HCN2: variants seen among roughly 807,000 people sequenced by gnomAD.
HCN2 encodes the protein hyperpolarization activated cyclic nucleotide gated potassium and sodium channel 2, also known as potassium/sodium hyperpolarization-activated cyclic nucleotide-gated channel 2.
Under a neutral mutation model 52.3 loss-of-function variants are expected in HCN2, and 20 were observed. The observed-to-expected ratio is 0.38, with a 90% CI of 0.27 to 0.56. The LOEUF is 0.56. Among genes scored for constraint, HCN2 ranks in the 20% least tolerant of loss-of-function variants. The pLI, the probability that HCN2 is intolerant of heterozygous loss-of-function variation, is 0.71. For synonymous variants in HCN2, 694 were observed against 537.0 expected, an observed-to-expected ratio of 1.29 and a Z score of -4.04; for missense variants, 981 against 1,207.7, an observed-to-expected ratio of 0.81 and a Z score of 2.78.
rs1317838033 is a variant in HCN2 at position 594,023 on chromosome 19, G to C, written c.632+3446G>C. The stretch of plus-strand genomic sequence containing the variant: ...AGGCCACACAGGTCCACTTGGGAAA[G>C]CCTGAGTCGTGCAAAGGAGGGTGTC... On this transcript the variant is annotated intron_variant, in intron 1 of 7. Coordinates refer to ENST00000251287, the MANE Select transcript of HCN2 (RefSeq NM_001194.4). Among the ~76,000 whole-genome samples the C allele has an allele frequency of 3.9e-5, 6 of 152,166 alleles. No homozygotes were observed. In the East Asian group the frequency reaches 1.2e-3, roughly 29 times the overall value.
In HCN2 at chr19:590,007, GGCCGCCGCCGCC is replaced by G. The variant is rs961585316; in HGVS notation, c.72_83del (p.Pro25_Pro28del). On this transcript the variant is annotated inframe_deletion, in exon 1 of 8. Transcript: ENST00000251287. This position sits in a 1 kb window ranked among gnomAD's most constrained non-coding sequence, Gnocchi z 7.2. ...AGCCCGGGCGCGACCCCCGCGCCGG[GGCCGCCGCCGCC>G]GCCGCCGCCCGCGCCCCCCCAACAG... 1.6e-6 allele frequency: 1 copy of G among 640,662 alleles called. No homozygotes were observed. Among genetic ancestry groups the G allele is most frequent in the Non-Finnish European group, 1.9e-6 (1 of 528,140 alleles). 39.7% of individuals were successfully genotyped at this position (640,662 alleles called of 1,614,324 possible). A position where few individuals can be genotyped will look rare whatever the true frequency, so the allele number is the denominator to read the frequency against.
intron 3 of HCN2, 22 bp from the exon 4 acceptor site, chr19:607,942 G>A (rs373584142): frequency 1.1e-4 from 175 of 1,590,066 alleles, no homozygotes; most frequent in Non-Finnish European, 1.4e-4. Context: ...GCCCACCACC[G>A]CCCCTCCTGC....
Position 616,288 on chromosome 19 carries a change from T to G in HCN2, c.2484T>G (p.Pro828=). 1 of 1,074,354 alleles carries G rather than the reference T, an allele frequency of 9.3e-7. No individual in the cohort carries two copies. Among genetic ancestry groups the G allele is most frequent in the Non-Finnish European group, 1.1e-6 (1 of 887,692 alleles). 66.6% of individuals were successfully genotyped at this position (1,074,354 alleles called of 1,614,324 possible). The change falls in exon 8 of 8, where the codon CCT becomes CCG. Residue 828 remains proline (P), a synonymous_variant. Transcript: ENST00000251287. The part of the protein sequence containing the change: ...RPLSASQPSL[P]HGAPGPAAST... ...TGTCCGCCTCGCAGCCCTCGCTGCC[T>G]CACGGCGCCCCCGGCCCCGCGGCCT...
At chr19:593,763 GTTCAAGGACC>G (rs1982942367) in intron 1 of HCN2, among the ~76,000 whole-genome samples, 1 of 152,188 alleles carries the variant, frequency 6.6e-6, no homozygotes, top group African/African-American at 2.4e-5. Context: ...GGAAGAGCAA[GTTCAAGGACC>G]CAAGTTCAAG....
chr19:603,544 G>T lies in HCN2; in HGVS notation c.633G>T (p.Arg211Ser). 1 of 1,601,358 alleles carries T rather than the reference G, an allele frequency of 6.2e-7. No individual in the cohort carries two copies. The highest frequency in any genetic ancestry group is 8.5e-7 in the Non-Finnish European group (1 of 1,171,586). ...AWIIHPYSDF[R>S]FYWDFTMLLF... is the part of the protein sequence containing the mutation. ...GAGGTGTGGGCACCCTCGCCCCCAG[G>T]TTCTACTGGGACTTCACCATGCTGC... The change falls in exon 2 of 8, where the codon AGG (arginine) becomes AGT (serine). Residue 211 changes from arginine (R) to serine (S), a missense_variant and splice_region_variant. This residue lies in a region of HCN2 where 282 missense variants were observed against 553.8 expected (regional missense o/e 0.51). Coordinates refer to ENST00000251287, the MANE Select transcript of HCN2 (RefSeq NM_001194.4).
chr19:604,909 A>G (rs1479634800), intron 2 of HCN2, 152 bp from the exon 3 acceptor site: 9 of 657,940 alleles, frequency 1.4e-5, no homozygotes, highest in Non-Finnish European at 2.0e-5. Context: ...GTCCCGGGGC[A>G]GGGCTGCAGG....
chr19:610,963 GGGGCTCCAGGCGCCCTTGGCTTGCAGATT>G (rs1196681124), intron 5 of HCN2, among the ~76,000 whole-genome samples: 1 of 152,148 alleles, frequency 6.6e-6, no homozygotes, highest in East Asian at 1.9e-4. Flanking sequence ...TCCGGCGTCT[GGGGCTCCAGGCGCCCTTGGCTTGCAGATT>G]GATCTCCCTG....
chr19:613,886 G>T lies in HCN2; in HGVS notation c.1860G>T (p.Ala620=), dbSNP rs555844825. ...ICLLTRGRRT[A]SVRADTYCRL... Reference sequence around the variant, plus strand: ...TGCTCACCCGGGGCCGCCGCACGGCGAGCGTGCGGGCTGACACCTACTGCC... The same window carrying T: ...TGCTCACCCGGGGCCGCCGCACGGCTAGCGTGCGGGCTGACACCTACTGCC... Residue 620 remains alanine, a synonymous_variant, in exon 7 of 8, where the codon GCG becomes GCT. Transcript: ENST00000251287. The T allele has an allele frequency of 1.8e-4, 290 of 1,595,364 alleles. 4 individuals are homozygous for T. In the South Asian group the frequency reaches 3.0e-3, roughly 17 times the overall value.
chr19:603,914 C>T lies in HCN2; in HGVS notation c.1003C>T (p.Leu335=), dbSNP rs1399083858. 1 of 1,610,342 alleles carries T rather than the reference C, an allele frequency of 6.2e-7. No homozygotes were observed. Among genetic ancestry groups the T allele is most frequent in the East Asian group, 2.2e-5 (1 of 44,814 alleles). The part of the protein sequence containing the change: ...IVRFTKILSL[L]RLLRLSRLIR... ...GCGCTTCACCAAGATCCTCAGCCTC[C>T]TGCGGCTGCTGCGCCTCTCACGCCT... The change falls in exon 2 of 8, where the codon CTG becomes TTG. Residue 335 remains leucine (L), a synonymous_variant. Coordinates refer to ENST00000251287, the MANE Select transcript of HCN2 (RefSeq NM_001194.4).
intron 1 of HCN2, among the ~76,000 whole-genome samples, chr19:601,942 G>A (rs150754885): frequency 1.0e-3 from 152 of 152,116 alleles, no homozygotes; most frequent in African/African-American, 3.5e-3. Flanking sequence ...GAGTGGAAAC[G>A]CCCTCTGGTC....
chr19:608,286 G>A (rs895863600), intron 4 of HCN2, 104 bp downstream of exon 4: 2 of 1,034,832 alleles, frequency 1.9e-6, no homozygotes, highest in African/African-American at 3.2e-5. Flanking sequence ...GATGGAGGGA[G>A]GCAGGCCCGG....
At chr19:594,168 T>A (rs1179858681) in intron 1 of HCN2, among the ~76,000 whole-genome samples, 1 of 151,782 alleles carries the variant, frequency 6.6e-6, no homozygotes, top group Non-Finnish European at 1.5e-5. Context: ...AGGGGCGGTC[T>A]GAGGAGGTCG....
intron 3 of HCN2, among the ~76,000 whole-genome samples, chr19:606,954 C>G (rs1346826051): frequency 2.0e-5 from 3 of 151,884 alleles, no homozygotes; most frequent in Admixed American, 6.6e-5. Context: ...GGGCTGATCA[C>G]CTGAGGTCAG....
intron 6 of HCN2, 99 bp downstream of exon 6, chr19:613,587 GGATGGGGATGGGGAT>G (rs1983746024): frequency 5.9e-6 from 1 of 170,024 alleles, no homozygotes; most frequent in Non-Finnish European, 9.3e-6. Context: ...CCGGGGATGG[GGATGGGGATGGGGAT>G]GGGGCCGGGG....
intron 5 of HCN2, 72 bp downstream of exon 5, chr19:610,477 AGCCGGTCCCT>A: frequency 7.0e-7 from 1 of 1,430,238 alleles, no homozygotes; most frequent in Non-Finnish European, 9.7e-7. Context: ...GGAGCCCAGG[AGCCGGTCCCT>A]GAGGGAGGCG....
intron 5 of HCN2, among the ~76,000 whole-genome samples, chr19:612,843 TG>T (rs1353541508): frequency 5.9e-4 from 68 of 114,870 alleles, no homozygotes; most frequent in African/African-American, 2.9e-3. Context: ...CACGCCTGGC[TG>T]TTTTTTTTTT....
chr19:599,591 A>C (rs886889419), intron 1 of HCN2, among the ~76,000 whole-genome samples: 2 of 151,848 alleles, frequency 1.3e-5, no homozygotes, highest in Admixed American at 1.3e-4. Flanking sequence ...CATCCTGGCT[A>C]ACATGGTGAA....
At chr19:611,350 G>C (rs566028747) in intron 5 of HCN2, among the ~76,000 whole-genome samples, 1 of 152,204 alleles carries the variant, frequency 6.6e-6, no homozygotes, top group Non-Finnish European at 1.5e-5. Context: ...TCTGGGAAGC[G>C]GGGAGGGACG....
At chr19:604,895 G>A (rs57380172) in intron 2 of HCN2, among the ~76,000 whole-genome samples, 166 bp from the exon 3 acceptor site, 59,236 of 102,862 alleles carry the variant, frequency 0.58, 17,895 homozygotes, top group South Asian at 0.75. Context: ...TTTGGAGGGC[G>A]GGGGTCCCGG....
Sources: gnomAD v4.1 joint callset for allele counts (sites outside exome capture counted in the v4.1 genomes callset) on GRCh38, gnomAD v4.1.1 for gene constraint, gnomAD v4.1.1 regional missense constraint, Gnocchi (gnomAD v3.1) non-coding constraint, MANE v1.5 for transcripts, NCBI Gene and HGNC (gene_info 2026-07-23, HGNC 2026-07-21) for gene names.